HECW1: variants seen among roughly 807,000 people sequenced by gnomAD.
HECW1 encodes the protein HECT, C2 and WW domain containing E3 ubiquitin protein ligase 1, also known as E3 ubiquitin-protein ligase HECW1.
HECW1 carries 61 observed loss-of-function variants against 182.3 expected under a neutral mutation model. The ratio of observed to expected loss-of-function variants is 0.33; its 90% CI spans 0.27 to 0.41. The LOEUF is 0.41. Ranked by LOEUF, HECW1 falls within the 10% of genes least tolerant of loss-of-function variation. The probability of loss-of-function intolerance (pLI) is 1.00; values close to 1 mark genes in which losing one functional copy is unlikely to be tolerated. For missense variants in HECW1, 1,739 were observed against 2,108.9 expected, an observed-to-expected ratio of 0.82 and a Z score of 3.44; for synonymous variants, 859 against 832.6, an observed-to-expected ratio of 1.03 and a Z score of -0.55.
chr7:43,198,359 C>A (rs1330886616), intron 2 of HECW1, among the ~76,000 whole-genome samples: 1 of 150,768 alleles, frequency 6.6e-6, no homozygotes, highest in Non-Finnish European at 1.5e-5. Context: ...TAGTCACACA[C>A]CCCACGCTCT....
rs1208081043 is a variant in HECW1 at position 43,444,279 on chromosome 7, G to A, written c.1107G>A (p.Met369Ile). The A allele has an allele frequency of 2.5e-6, 4 of 1,614,018 alleles. No individual in the cohort carries two copies. The African/African-American group carries it at 4.0e-5, about 16-fold the overall frequency. ...PESAQIQDSP[M>I]NNLMESGSGE... ...CAGCCCAAATTCAGGACAGCCCCAT[G>A]AACAACCTGATGGAAAGCGGCAGTG... The change falls in exon 11 of 30, where the codon ATG (methionine) becomes ATA (isoleucine). Residue 369 changes from methionine (M) to isoleucine (I), a missense_variant. Physicochemically the swap from Met to Ile is conservative, Grantham distance 10. Around this residue, in one of 5 missense-constraint regions of HECW1, gnomAD observed 66 missense variants for 113.8 expected, o/e 0.58. Coordinates refer to ENST00000395891, the MANE Select transcript of HECW1 (RefSeq NM_015052.5). The surrounding 1 kb of genome is among the most constrained non-coding windows in gnomAD (Gnocchi z 4.3).
intron 13 of HECW1, among the ~76,000 whole-genome samples, chr7:43,462,493 G>GA (rs912745107): frequency 2.4e-3 from 351 of 147,640 alleles, no homozygotes; most frequent in African/African-American, 7.5e-3. Context: ...GCACATTCTG[G>GA]AAAAAAAAAA....
intron 5 of HECW1, among the ~76,000 whole-genome samples, chr7:43,348,391 G>A (rs1562869481): frequency 6.6e-6 from 1 of 152,000 alleles, no homozygotes; most frequent in Non-Finnish European, 1.5e-5. Context: ...AAGGTTATTT[G>A]AATATTCTCT....
intron 8 of HECW1, among the ~76,000 whole-genome samples, chr7:43,436,985 CT>C (rs1244565253): frequency 1.3e-5 from 2 of 152,234 alleles, no homozygotes; most frequent in Non-Finnish European, 2.9e-5. Flanking sequence ...CTGCCTCAGT[CT>C]CCCAGAGCAG....
chr7:43,186,634 A>G (rs1329717292), intron 2 of HECW1, among the ~76,000 whole-genome samples: 1 of 146,886 alleles, frequency 6.8e-6, no homozygotes, highest in East Asian at 2.0e-4. Flanking sequence ...GCACCACCGC[A>G]CTCCAGCCTG....
chr7:43,142,720 C>T (rs1158521555), intron 2 of HECW1, among the ~76,000 whole-genome samples: 3 of 152,216 alleles, frequency 2.0e-5, no homozygotes, highest in Non-Finnish European at 4.4e-5. Context: ...GAGGATCTAG[C>T]ATGTATACAC....
chr7:43,388,741 G>A (rs2074900901), intron 6 of HECW1, among the ~76,000 whole-genome samples: 1 of 152,174 alleles, frequency 6.6e-6, no homozygotes, highest in South Asian at 2.1e-4. Context: ...TCATGCCTCA[G>A]CCCCTCGAGT....
rs184317502 is a variant in HECW1 at position 43,373,176 on chromosome 7, A to T, written c.555+12196A>T. 3.6e-5 allele frequency among the ~76,000 whole-genome samples: 5 copies of T among 139,232 alleles called. No homozygotes were observed. The Admixed American group carries it at 3.6e-4, about 10-fold the overall frequency. 91.3% of individuals were successfully genotyped at this position (139,232 alleles called of 152,430 possible). On this transcript the variant is annotated intron_variant, in intron 6 of 29. Coordinates refer to ENST00000395891, the MANE Select transcript of HECW1 (RefSeq NM_015052.5). Reference sequence around the variant, plus strand: ...GTGAGCTCTGTGGTGCTGCCCATGCACGTTGGTGTCGTTCTGCCTTCTTCC... The same window carrying T: ...GTGAGCTCTGTGGTGCTGCCCATGCTCGTTGGTGTCGTTCTGCCTTCTTCC...
chr7:43,154,584 T>C (rs1368706058), intron 2 of HECW1, among the ~76,000 whole-genome samples: 1 of 152,170 alleles, frequency 6.6e-6, no homozygotes, highest in East Asian at 1.9e-4. Context: ...GTGTATTTGT[T>C]TGTGGGGGTA....
At chr7:43,161,963 G>A (rs10277623) in intron 2 of HECW1, among the ~76,000 whole-genome samples, 54,033 of 151,888 alleles carry the variant, frequency 0.36, 10,831 homozygotes, top group Non-Finnish European at 0.45. Context: ...GCCCACTATT[G>A]AACATGCAGA....
intron 24 of HECW1, among the ~76,000 whole-genome samples, chr7:43,514,575 C>G (rs2080050772): frequency 6.6e-6 from 1 of 152,146 alleles, no homozygotes; most frequent in Non-Finnish European, 1.5e-5. Flanking sequence ...AGGCGTGAGC[C>G]AACGTGCCCA....
intron 7 of HECW1, among the ~76,000 whole-genome samples, chr7:43,407,047 T>G (rs1048600858): frequency 2.6e-5 from 4 of 152,212 alleles, no homozygotes; most frequent in South Asian, 2.1e-4. Context: ...TTGTGCAGCA[T>G]GAAATTGTAC....
chr7:43,269,928 A>T (rs1802203306), intron 3 of HECW1, among the ~76,000 whole-genome samples: 1 of 152,362 alleles, frequency 6.6e-6, no homozygotes, highest in South Asian at 2.1e-4. Context: ...ACAAAGAATT[A>T]TCTGGCTCAA....
intron 6 of HECW1, among the ~76,000 whole-genome samples, chr7:43,392,425 GA>G (rs1429745903): frequency 1.3e-5 from 2 of 152,366 alleles, no homozygotes; most frequent in East Asian, 3.9e-4. Flanking sequence ...GCCATTCCAA[GA>G]GGCAGCTTAG....
chr7:43,399,135 T>C (rs1417403798), intron 7 of HECW1, among the ~76,000 whole-genome samples: 1 of 152,230 alleles, frequency 6.6e-6, no homozygotes, highest in Non-Finnish European at 1.5e-5. Context: ...AATTTGTTAG[T>C]CCTACAAATG....
At chr7:43,160,707 T>C (rs1790440596) in intron 2 of HECW1, among the ~76,000 whole-genome samples, 1 of 152,136 alleles carries the variant, frequency 6.6e-6, no homozygotes, top group Admixed American at 6.5e-5. Context: ...TCATTAATTT[T>C]CTTTTTTTCA....
At position 43,225,788 on chromosome 7, in the gene HECW1, GATCT is replaced by G. The variant is rs1797370435; in HGVS notation, c.-31-18086_-31-18083del. On this transcript the variant is annotated intron_variant, in intron 2 of 29. Transcript: ENST00000395891. ...GGATGCCATGATTATTAACTGAATAGATCTTTTTTTTTTTGGGACAGGGTCTCAC... is the reference window on the plus strand; with the variant it reads ...GGATGCCATGATTATTAACTGAATAGTTTTTTTTTTGGGACAGGGTCTCAC... 2.0e-5 allele frequency among the ~76,000 whole-genome samples: 3 copies of G among 152,102 alleles called. No homozygotes were observed. The South Asian group carries it at 6.2e-4, about 32-fold the overall frequency.
At chr7:43,539,740 G>A (rs915897423) in intron 24 of HECW1, among the ~76,000 whole-genome samples, 4 of 152,158 alleles carry the variant, frequency 2.6e-5, no homozygotes, top group Non-Finnish European at 4.4e-5. Flanking sequence ...CGGTCATCTC[G>A]ACCTAGATGG....
intron 18 of HECW1, 144 bp from the exon 19 acceptor site, chr7:43,492,940 A>G: frequency 1.8e-6 from 1 of 556,602 alleles, no homozygotes; most frequent in Non-Finnish European, 3.2e-6. Context: ...AAAACTCTCA[A>G]GAGCTTGCAT....
Sources: gnomAD v4.1 joint callset for allele counts (sites outside exome capture counted in the v4.1 genomes callset) on GRCh38, gnomAD v4.1.1 for gene constraint, gnomAD v4.1.1 regional missense constraint, Gnocchi (gnomAD v3.1) non-coding constraint, MANE v1.5 for transcripts, NCBI Gene and HGNC (gene_info 2026-07-23, HGNC 2026-07-21) for gene names.